The following CSRP2 variants were observed in gnomAD, a reference collection of about 807,000 sequenced individuals.
CSRP2 encodes the protein cysteine and glycine-rich protein 2.
Under a neutral mutation model 24.6 loss-of-function variants are expected in CSRP2, and 18 were observed. The observed-to-expected ratio is 0.73, with a 90% CI of 0.51 to 1.09. The LOEUF is 1.09. Among genes scored for constraint, CSRP2 ranks in the 50% least tolerant of loss-of-function variants. CSRP2 has a pLI of 0.00. For missense variants in CSRP2, 215 were observed against 239.4 expected (o/e 0.90, Z 0.67); for synonymous variants, 87 against 84.3 (o/e 1.03, Z -0.18).
At chr12:76,874,449 G>A (rs976569638) in intron 1 of CSRP2, among the ~76,000 whole-genome samples, 7 of 152,162 alleles carry the variant, frequency 4.6e-5, no homozygotes, top group Non-Finnish European at 1.0e-4. Context: ...AAATGGATGA[G>A]AACTATCTTA....
chr12:76,864,066 G>A (rs550483840), intron 2 of CSRP2: 2 of 152,266 alleles, frequency 1.3e-5, no homozygotes, highest in South Asian at 4.2e-4. Flanking sequence ...TGTCCCAAAG[G>A]AGAATGCATT....
At chr12:76,869,542 A>ACACGCG (rs1462596075) in intron 1 of CSRP2, among the ~76,000 whole-genome samples, 1 of 125,122 alleles carries the variant, frequency 8.0e-6, no homozygotes, top group Non-Finnish European at 1.7e-5. Flanking sequence ...ACACACACAC[A>ACACGCG]CACACACACA....
At chr12:76,871,512 T>A (rs981689904) in intron 1 of CSRP2, among the ~76,000 whole-genome samples, 1 of 152,220 alleles carries the variant, frequency 6.6e-6, no homozygotes, top group Non-Finnish European at 1.5e-5. Context: ...GGCTCACGCC[T>A]GTAATCCCAG....
At chr12:76,872,989 T>C (rs1953816817) in intron 1 of CSRP2, among the ~76,000 whole-genome samples, 1 of 152,216 alleles carries the variant, frequency 6.6e-6, no homozygotes, top group Non-Finnish European at 1.5e-5. Context: ...AGTGCCGCAT[T>C]TACTGTCTTA....
At chr12:76,859,476 A>G (rs933577379) in intron 5 of CSRP2, 71 bp downstream of exon 5, 8 of 969,110 alleles carry the variant, frequency 8.3e-6, no homozygotes, top group Non-Finnish European at 1.2e-5. Context: ...TTTTAATGCC[A>G]GTGACATTTC....
intron 3 of CSRP2, 109 bp downstream of exon 3, chr12:76,863,067 A>T (rs1953699801): frequency 6.8e-7 from 1 of 1,475,812 alleles, no homozygotes; most frequent in East Asian, 2.3e-5. Flanking sequence ...GTCCCATTTT[A>T]TTTGCTTAGT....
At chr12:76,874,827 G>A (rs1452762824) in intron 1 of CSRP2, among the ~76,000 whole-genome samples, 2 of 152,128 alleles carry the variant, frequency 1.3e-5, no homozygotes, top group East Asian at 1.9e-4. Flanking sequence ...GTGCCCACTC[G>A]TTACGAGAAT....
intron 1 of CSRP2, among the ~76,000 whole-genome samples, chr12:76,874,386 C>G (rs1000690319): frequency 6.6e-6 from 1 of 152,170 alleles, no homozygotes; most frequent in African/African-American, 2.4e-5. Context: ...GCTATGTGAT[C>G]CTGGCCAAAT....
intron 1 of CSRP2, among the ~76,000 whole-genome samples, chr12:76,868,927 C>T (rs571552903): frequency 1.4e-5 from 2 of 146,336 alleles, no homozygotes; most frequent in African/African-American, 2.6e-5. Context: ...AGCGAGACTC[C>T]GCCTCAAAAG....
Position 76,858,939 on chromosome 12 carries a change from C to T in CSRP2, c.*13G>A. 1.2e-6 allele frequency: 2 copies of T among 1,610,056 alleles called. No homozygotes were observed. Among genetic ancestry groups the T allele is most frequent in the Non-Finnish European group, 1.7e-6 (2 of 1,176,344 alleles). On this transcript the variant is annotated 3_prime_UTR_variant, in exon 6 of 6. Transcript: ENST00000311083. ...GATTCTCAGTGTGTGATGTTTAGTTCAGGGTTTACATCTTACTGGGCATGA... is the reference window on the plus strand; with the variant it reads ...GATTCTCAGTGTGTGATGTTTAGTTTAGGGTTTACATCTTACTGGGCATGA...
chr12:76,871,132 T>C (rs1953792433), intron 1 of CSRP2, among the ~76,000 whole-genome samples: 1 of 152,066 alleles, frequency 6.6e-6, no homozygotes, highest in Non-Finnish European at 1.5e-5. Context: ...ACCGTTATAA[T>C]AGCTGCGCAA....
At chr12:76,867,456 C>T (rs1953746942) in intron 1 of CSRP2, among the ~76,000 whole-genome samples, 1 of 151,668 alleles carries the variant, frequency 6.6e-6, no homozygotes, top group South Asian at 2.1e-4. Context: ...TTGCACTGAG[C>T]GAAGATTGTA....
chr12:76,862,714 T>C, intron 3 of CSRP2: 1 of 1,297,402 alleles, frequency 7.7e-7, no homozygotes, highest in Non-Finnish European at 9.9e-7. Flanking sequence ...TAATTTCCAT[T>C]TTTAAGTAAA....
chr12:76,859,051 A>G (rs1442999859), intron 5 of CSRP2, 23 bp from the exon 6 acceptor site: 1 of 1,608,040 alleles, frequency 6.2e-7, no homozygotes, highest in Non-Finnish European at 8.5e-7. Flanking sequence ...GGGAGGAAGG[A>G]TAGTTAGTGC....
chr12:76,862,917 C>G (rs1178915737), intron 3 of CSRP2: 1 of 1,518,562 alleles, frequency 6.6e-7, no homozygotes, highest in South Asian at 1.2e-5. Flanking sequence ...AAATACAAAT[C>G]ACTTGCTTTT....
At chr12:76,860,160 A>G in intron 4 of CSRP2, 124 bp downstream of exon 4, 1 of 1,029,354 alleles carries the variant, frequency 9.7e-7, no homozygotes, top group Admixed American at 2.5e-5. Context: ...ATGCATTTAA[A>G]GAAAAGTTTC....
In CSRP2 at chr12:76,879,007, A is replaced by T. The variant is rs1953879966; in HGVS notation, c.-71T>A. 1 of 152,110 alleles carries T rather than the reference A, an allele frequency of 6.6e-6. No individual in the cohort carries two copies. Among genetic ancestry groups the T allele is most frequent in the African/African-American group, 2.4e-5 (1 of 41,400 alleles). The allele number at this position is 152,110 out of a possible 1,614,324, so 9.4% of individuals were successfully genotyped here. On this transcript the variant is annotated 5_prime_UTR_variant, in exon 1 of 6. Transcript: ENST00000311083. ...GCTGGGCTGGAGGGAGGGTCCAGGG[A>T]GTCCGAGATCCCAGGCGAAGCGCGC...
Position 76,863,214 on chromosome 12 carries a change from G to A in CSRP2, c.243C>T (p.Asn81=). 1.9e-6 allele frequency: 3 copies of A among 1,614,170 alleles called. No individual in the cohort carries two copies. Among genetic ancestry groups the A allele is most frequent in the South Asian group, 2.2e-5 (2 of 91,070 alleles). The part of the protein sequence containing the change: ...YGYGQGAGTL[N]MDRGERLGIK... ...TGCCCAGCCTCTCGCCACGGTCCAT[G>A]TTAAGCGTGCCAGCGCCCTGGCCAT... The change falls in exon 3 of 6, where the codon AAC becomes AAT. Residue 81 remains asparagine, a synonymous_variant. Coordinates refer to ENST00000311083, the MANE Select transcript of CSRP2 (RefSeq NM_001321.3).
intron 3 of CSRP2, chr12:76,861,232 G>C (rs1223661578): frequency 6.6e-6 from 1 of 151,090 alleles, no homozygotes; most frequent in Non-Finnish European, 1.5e-5. Flanking sequence ...CTCCACAACT[G>C]TTAATTTTTC....
Sources: gnomAD v4.1 joint callset for allele counts (sites outside exome capture counted in the v4.1 genomes callset) on GRCh38, gnomAD v4.1.1 for gene constraint, MANE v1.5 for transcripts, NCBI Gene and HGNC (gene_info 2026-07-23, HGNC 2026-07-21) for gene names.